RARB: variants seen among roughly 807,000 people sequenced by gnomAD.
RARB encodes the protein HBV-activated protein.
RARB carries 17 observed loss-of-function variants against 51.9 expected under a neutral mutation model. That is an observed-to-expected ratio of 0.33 (90% CI 0.22 to 0.49). RARB has a LOEUF of 0.49. Ranked by LOEUF, RARB falls within the 20% of genes least tolerant of loss-of-function variation. The pLI, the probability that RARB is intolerant of heterozygous loss-of-function variation, is 0.99. For synonymous variants in RARB, 215 were observed against 195.4 expected (o/e 1.10, Z -0.84); for missense variants, 369 against 550.8 (o/e 0.67, Z 3.30).
At chr3:25,197,504 C>G (rs1007390265) in intron 5 of RARB, among the ~76,000 whole-genome samples, 8 of 151,848 alleles carry the variant, frequency 5.3e-5, no homozygotes, top group African/African-American at 1.9e-4. Flanking sequence ...GTCAATGTAT[C>G]CTTGTTTCCA....
At chr3:25,260,769 T>G (rs1014768666) in intron 5 of RARB, among the ~76,000 whole-genome samples, 2 of 152,156 alleles carry the variant, frequency 1.3e-5, no homozygotes, top group African/African-American at 4.8e-5. Flanking sequence ...TGTCACCCAT[T>G]CAGCCTGTCA....
chr3:24,949,186 T>C (rs1695836138), intron 2 of RARB, among the ~76,000 whole-genome samples: 1 of 152,188 alleles, frequency 6.6e-6, no homozygotes, highest in Non-Finnish European at 1.5e-5. Flanking sequence ...AGCTTTCCAA[T>C]GTCAAAGGTA....
At chr3:25,227,506 C>G in intron 5 of RARB, among the ~76,000 whole-genome samples, 1 of 152,040 alleles carries the variant, frequency 6.6e-6, no homozygotes, top group East Asian at 1.9e-4. Context: ...TCTCGTAATA[C>G]AGATATTCTC....
At chr3:24,957,788 G>A (rs565397565) in intron 2 of RARB, among the ~76,000 whole-genome samples, 2 of 152,150 alleles carry the variant, frequency 1.3e-5, no homozygotes, top group Admixed American at 6.5e-5. Context: ...TGCAGGCAGA[G>A]TTAGATCCCG....
At chr3:24,948,568 T>C (rs1197069512) in intron 2 of RARB, among the ~76,000 whole-genome samples, 1 of 152,236 alleles carries the variant, frequency 6.6e-6, no homozygotes, top group Non-Finnish European at 1.5e-5. Flanking sequence ...TTGAGTGTTA[T>C]TTAATGGCCC....
At chr3:24,991,178 C>G in intron 2 of RARB, among the ~76,000 whole-genome samples, 1 of 152,210 alleles carries the variant, frequency 6.6e-6, no homozygotes, top group East Asian at 1.9e-4. Flanking sequence ...CGGTGACTCA[C>G]GCCTGTAATC....
intron 2 of RARB, among the ~76,000 whole-genome samples, chr3:25,010,329 C>T (rs189004611): frequency 1.3e-5 from 2 of 152,066 alleles, no homozygotes; most frequent in Admixed American, 6.6e-5. Context: ...TTTAAATAAA[C>T]TAAATCAGAA....
chr3:25,010,129 T>C (rs1221910009), intron 2 of RARB, among the ~76,000 whole-genome samples: 2 of 134,050 alleles, frequency 1.5e-5, no homozygotes, highest in Non-Finnish European at 3.0e-5. Context: ...GTCCCAACTT[T>C]TTTTTATACC....
At chr3:25,444,403 T>A (rs569284955) in intron 1 of RARB, among the ~76,000 whole-genome samples, 1 of 152,334 alleles carries the variant, frequency 6.6e-6, no homozygotes, top group African/African-American at 2.4e-5. Flanking sequence ...AAGCTGGAAA[T>A]AATACGTTTT....
At chr3:24,891,794 G>A (rs1703382710) in intron 2 of RARB, among the ~76,000 whole-genome samples, 1 of 152,110 alleles carries the variant, frequency 6.6e-6, no homozygotes, top group Non-Finnish European at 1.5e-5. Context: ...AGTTGAGAAA[G>A]AGTTGCAGTA....
chr3:25,281,124 C>G (rs1201073055), intron 5 of RARB, among the ~76,000 whole-genome samples: 2 of 152,118 alleles, frequency 1.3e-5, no homozygotes, highest in Non-Finnish European at 2.9e-5. Flanking sequence ...ATTATAAATC[C>G]ACTCTCTTGA....
intron 2 of RARB, among the ~76,000 whole-genome samples, chr3:24,898,907 A>T (rs1703536810): frequency 6.6e-6 from 1 of 152,150 alleles, no homozygotes; most frequent in Non-Finnish European, 1.5e-5. Flanking sequence ...CTACTCAGTA[A>T]CAGAGGGCTC....
chr3:25,193,386 G>A (rs1197134200), intron 5 of RARB, among the ~76,000 whole-genome samples: 5 of 152,124 alleles, frequency 3.3e-5, no homozygotes, highest in African/African-American at 1.2e-4. Flanking sequence ...AAACCTGTTT[G>A]CACTGAAGTA....
At chr3:25,208,272 CCAAGG>C (rs1355650589) in intron 5 of RARB, among the ~76,000 whole-genome samples, 4 of 152,062 alleles carry the variant, frequency 2.6e-5, no homozygotes, top group African/African-American at 9.7e-5. Flanking sequence ...CGCTAAGGAT[CCAAGG>C]ATTTCAGTTT....
chr3:25,026,479 T>C (rs754923745), intron 2 of RARB, among the ~76,000 whole-genome samples: 4 of 152,192 alleles, frequency 2.6e-5, no homozygotes, highest in Non-Finnish European at 5.9e-5. Context: ...GTGGTCTTTT[T>C]TCCTGTGCAC....
intron 5 of RARB, among the ~76,000 whole-genome samples, chr3:25,269,219 A>C (rs1444268653): frequency 6.6e-6 from 1 of 152,178 alleles, no homozygotes; most frequent in Non-Finnish European, 1.5e-5. Flanking sequence ...CTCATTTTAG[A>C]AGTCCCTTGA....
At chr3:24,887,885 C>A (rs970492867) in intron 2 of RARB, among the ~76,000 whole-genome samples, 1 of 152,072 alleles carries the variant, frequency 6.6e-6, no homozygotes, top group Non-Finnish European at 1.5e-5. Flanking sequence ...AAGCTGATGG[C>A]CTTGAGGGAG....
At chr3:25,231,635 A>G (rs542728660) in intron 5 of RARB, among the ~76,000 whole-genome samples, 3 of 152,142 alleles carry the variant, frequency 2.0e-5, no homozygotes, top group African/African-American at 7.2e-5. Context: ...CTAGTGTGTA[A>G]TGGTATCTCA....
At chr3:24,995,299 G>A (rs1696998428) in intron 2 of RARB, among the ~76,000 whole-genome samples, 1 of 151,118 alleles carries the variant, frequency 6.6e-6, no homozygotes, top group Non-Finnish European at 1.5e-5. Flanking sequence ...GTTTATTCAT[G>A]TATAAAAACA....
Sources: allele counts gnomAD v4.1 joint callset (sites outside exome capture counted in the v4.1 genomes callset), GRCh38; gene constraint gnomAD v4.1.1; transcripts MANE v1.5; gene names NCBI Gene and HGNC (gene_info 2026-07-23, HGNC 2026-07-21).